BIRC6: variants seen among roughly 807,000 people sequenced by gnomAD.
BIRC6 encodes the protein baculoviral IAP repeat containing 6.
A neutral mutation model predicts 503.3 loss-of-function variants in BIRC6; 98 were observed. The observed-to-expected ratio is 0.19, with a 90% CI of 0.17 to 0.23. BIRC6 has a LOEUF of 0.23. Ranked by LOEUF, BIRC6 falls within the 10% of genes least tolerant of loss-of-function variation. The pLI, the probability that BIRC6 is intolerant of heterozygous loss-of-function variation, is 1.00. For synonymous variants in BIRC6, 2,240 were observed against 2,078.7 expected, an observed-to-expected ratio of 1.08 and a Z score of -2.11; for missense variants, 5,360 against 5,806.0, an observed-to-expected ratio of 0.92 and a Z score of 2.50.
intron 57 of BIRC6, among the ~76,000 whole-genome samples, chr2:32,520,184 A>G (rs2055498246): frequency 6.6e-6 from 1 of 152,212 alleles, no homozygotes; most frequent in Admixed American, 6.5e-5. Context: ...CCCAGAGTAA[A>G]AGAGAGAGTT....
rs1453015201 is a variant in BIRC6 at position 32,499,419 on chromosome 2, T to C, written c.8469-128T>C. 3 of 811,414 alleles carry C rather than the reference T, an allele frequency of 3.7e-6. No homozygotes were observed. The African/African-American group carries it at 5.2e-5, about 14-fold the overall frequency. 50.3% of individuals were successfully genotyped at this position (811,414 alleles called of 1,614,324 possible). A position where few individuals can be genotyped will look rare whatever the true frequency, so the allele number is the denominator to read the frequency against. ...GAAATAGTGAATATCAAGAATTTGT[T>C]TAACTTTCTTGTATTGTGATAAGTT... On this transcript the variant is annotated intron_variant, in intron 45 of 73. Coordinates refer to ENST00000421745, the MANE Select transcript of BIRC6 (RefSeq NM_016252.4).
chr2:32,594,716 A>C (rs544425653), intron 67 of BIRC6, among the ~76,000 whole-genome samples: 1 of 152,108 alleles, frequency 6.6e-6, no homozygotes, highest in East Asian at 1.9e-4. Flanking sequence ...GGATGGATGG[A>C]TGGATGGATG....
Position 32,611,431 on chromosome 2 carries a change from G to T in BIRC6, c.14260-17G>T. 4 of 1,590,046 alleles carry T rather than the reference G, an allele frequency of 2.5e-6. No individual in the cohort carries two copies. The highest frequency in any genetic ancestry group is 3.4e-6 in the Non-Finnish European group (4 of 1,166,236). ...GACTGTAAACACTGCTTGTTCTCCT[G>T]TTTACTTTTTCTCAAGGTAATACAC... On this transcript the variant is annotated splice_polypyrimidine_tract_variant and intron_variant, in intron 72 of 73. Coordinates refer to ENST00000421745, the MANE Select transcript of BIRC6 (RefSeq NM_016252.4).
chr2:32,426,374 G>A (rs186806453), intron 10 of BIRC6, among the ~76,000 whole-genome samples: 79 of 152,258 alleles, frequency 5.2e-4, no homozygotes, highest in African/African-American at 1.8e-3. Flanking sequence ...AGGTCAAGGC[G>A]GGCAGATCAC....
intron 39 of BIRC6, among the ~76,000 whole-genome samples, chr2:32,483,739 A>G (rs1167511084): frequency 2.6e-5 from 4 of 152,202 alleles, no homozygotes; most frequent in Non-Finnish European, 5.9e-5. Flanking sequence ...TTGTGTTTGT[A>G]TGCTATTTCC....
chr2:32,477,283 T>C, intron 34 of BIRC6, 85 bp from the exon 35 acceptor site: 1 of 1,360,700 alleles, frequency 7.3e-7, no homozygotes, highest in Non-Finnish European at 1.0e-6. Flanking sequence ...TAATATGGAG[T>C]GGATATTTTC....
intron 19 of BIRC6, among the ~76,000 whole-genome samples, chr2:32,442,798 T>A (rs1404235747): frequency 6.6e-6 from 1 of 152,166 alleles, no homozygotes; most frequent in Non-Finnish European, 1.5e-5. Flanking sequence ...CTCTGTTATG[T>A]AACAATCTTA....
rs2044028824 is a variant in BIRC6, at chr2:32,430,884, C to G, written c.3042C>G (p.Asp1014Glu). The change falls in exon 12 of 74, where the codon GAC (aspartate) becomes GAG (glutamate). Residue 1014 changes from aspartate (D) to glutamate (E), a missense_variant. By Grantham distance (45) the Asp-to-Glu change is conservative (BLOSUM62 2). Around this residue, in one of 16 missense-constraint regions of BIRC6, gnomAD observed 700 missense variants for 739.3 expected, o/e 0.95. Coordinates refer to ENST00000421745, the MANE Select transcript of BIRC6 (RefSeq NM_016252.4). ...PGISGVDLLV[D>E]QPFTLEILTS... Reference sequence around the variant, plus strand: ...GTTAAGGAGTTGATTTATTGGTGGACCAGCCATTCACCCTTGAAATCTTGA... The same window carrying G: ...GTTAAGGAGTTGATTTATTGGTGGAGCAGCCATTCACCCTTGAAATCTTGA... 6.3e-7 allele frequency: 1 copy of G among 1,583,304 alleles called. No individual in the cohort carries two copies. Among genetic ancestry groups the G allele is most frequent in the African/African-American group, 1.4e-5 (1 of 72,796 alleles).
At position 32,587,386 on chromosome 2, in the gene BIRC6, CA is replaced by C. The variant is rs979608663; in HGVS notation, c.13356-6519del. On this transcript the variant is annotated intron_variant, in intron 66 of 73. Transcript: ENST00000421745. Reference sequence around the variant, plus strand: ...TGGGCAACAGAACGAGACTCCGTCTCAAAAAAAAAATTATTTTTAAATGATG... The same window carrying C: ...TGGGCAACAGAACGAGACTCCGTCTCAAAAAAAAATTATTTTTAAATGATG... 1.6e-4 allele frequency among the ~76,000 whole-genome samples: 23 copies of C among 147,584 alleles called. No homozygotes were observed. The East Asian group carries it at 3.2e-3, about 20-fold the overall frequency.
chr2:32,532,445 C>T (rs890464577), intron 61 of BIRC6, among the ~76,000 whole-genome samples: 11 of 152,086 alleles, frequency 7.2e-5, no homozygotes, highest in African/African-American at 2.7e-4. Context: ...CTGCCTACGT[C>T]GTCATATGGC....
chr2:32,397,574 C>CTGTGTT (rs1189814164), intron 6 of BIRC6, among the ~76,000 whole-genome samples: 1 of 138,020 alleles, frequency 7.2e-6, no homozygotes, highest in Non-Finnish European at 1.5e-5. Flanking sequence ...CCCGTAAAGG[C>CTGTGTT]TGTGTGTGTG....
At chr2:32,598,660 AT>A (rs1375738296) in intron 69 of BIRC6, among the ~76,000 whole-genome samples, 1 of 152,188 alleles carries the variant, frequency 6.6e-6, no homozygotes, top group Non-Finnish European at 1.5e-5. Context: ...TGGGTTAAAC[AT>A]TCTGTCTTCC....
chr2:32,504,688 T>G (rs1285418074), intron 49 of BIRC6, among the ~76,000 whole-genome samples: 1 of 151,500 alleles, frequency 6.6e-6, no homozygotes, highest in Non-Finnish European at 1.5e-5. Context: ...AATAAATAAA[T>G]AAATAATAAA....
chr2:32,490,452 T>C (rs573558904), intron 43 of BIRC6, among the ~76,000 whole-genome samples: 3 of 152,278 alleles, frequency 2.0e-5, no homozygotes, highest in African/African-American at 4.8e-5. Context: ...CGAAAATCAC[T>C]TGAACCTGGA....
At chr2:32,585,542 G>C (rs2060970809) in intron 66 of BIRC6, among the ~76,000 whole-genome samples, 1 of 152,040 alleles carries the variant, frequency 6.6e-6, no homozygotes, top group Non-Finnish European at 1.5e-5. Context: ...ACCACACCCG[G>C]CTAATTTTTG....
At position 32,424,760 on chromosome 2, in the gene BIRC6, A is replaced by T. The variant is rs147948053; in HGVS notation, c.2873-4386A>T. Among the ~76,000 whole-genome samples, 244 of 151,778 alleles carry T rather than the reference A, an allele frequency of 1.6e-3. 2 individuals carry two copies. Among genetic ancestry groups the T allele is most frequent in the Middle Eastern group, 6.8e-3 (2 of 294 alleles). On this transcript the variant is annotated intron_variant, in intron 10 of 73. Transcript: ENST00000421745. ...ACTCCTGACCTCAGGTGATCCTCCC[A>T]CCTCGCCCACCCAACGTGCTGGGAT...
intron 15 of BIRC6, among the ~76,000 whole-genome samples, chr2:32,439,187 G>T (rs1256170219): frequency 2.0e-5 from 3 of 149,706 alleles, no homozygotes; most frequent in Non-Finnish European, 4.4e-5. Flanking sequence ...GTGTGTGTGT[G>T]TGCGTGTGTA....
Position 32,518,282 on chromosome 2 carries a change from C to T in BIRC6, c.11378C>T (p.Pro3793Leu). 1 of 1,612,820 alleles carries T rather than the reference C, an allele frequency of 6.2e-7. No homozygotes were observed. The highest frequency in any genetic ancestry group is 8.5e-7 in the Non-Finnish European group (1 of 1,179,414). ...QVLCELFQTS[P>L]QRGNLPTSGN... ...CTTTGTGAACTATTTCAGACATCTC[C>T]TCAAAGAGGGAACCTTCCAACATCT... is the stretch of plus-strand genomic sequence containing the variant. Residue 3793 changes from proline to leucine, a missense_variant, in exon 56 of 74, where the codon CCT becomes CTT. Pro to Leu is a moderately conservative substitution (Grantham distance 98). This residue lies in a region of BIRC6 where 878 missense variants were observed against 928.9 expected (regional missense o/e 0.95). Coordinates refer to ENST00000421745, the MANE Select transcript of BIRC6 (RefSeq NM_016252.4).
intron 13 of BIRC6, 60 bp downstream of exon 13, chr2:32,433,864 T>G: frequency 7.4e-7 from 1 of 1,354,136 alleles, no homozygotes; most frequent in Non-Finnish European, 9.9e-7. Flanking sequence ...TTCTGAAAAC[T>G]AATTTTCACC....
Sources: gnomAD v4.1 joint callset for allele counts (sites outside exome capture counted in the v4.1 genomes callset) on GRCh38, gnomAD v4.1.1 for gene constraint, gnomAD v4.1.1 regional missense constraint, MANE v1.5 for transcripts, NCBI Gene and HGNC (gene_info 2026-07-23, HGNC 2026-07-21) for gene names.